The following FOXO3 variants were observed in gnomAD, a reference collection of about 807,000 sequenced individuals.
FOXO3 encodes the protein forkhead box O3, also known as forkhead box protein O3.
A neutral mutation model predicts 41.9 loss-of-function variants in FOXO3; 4 were observed. The ratio of observed to expected loss-of-function variants is 0.10; its 90% CI spans 0.05 to 0.22. FOXO3 has a LOEUF of 0.22. FOXO3 is among the 10% of genes least tolerant of loss of function. The pLI is 1.00. For synonymous variants in FOXO3, 318 were observed against 389.3 expected (o/e 0.82, Z 2.16); for missense variants, 534 against 906.8 (o/e 0.59, Z 5.28).
chr6:108,621,480 C>T (rs1181554077), intron 1 of FOXO3, among the ~76,000 whole-genome samples: 1 of 152,172 alleles, frequency 6.6e-6, no homozygotes, highest in Admixed American at 6.5e-5. Context: ...GTGTGTAGTG[C>T]ATGATGTACC....
intron 1 of FOXO3, among the ~76,000 whole-genome samples, chr6:108,648,798 C>T (rs1202230768): frequency 6.6e-6 from 1 of 151,548 alleles, no homozygotes; most frequent in Non-Finnish European, 1.5e-5. Flanking sequence ...AGTTTGAGAC[C>T]AGCCTGGAAA....
chr6:108,613,255 T>C (rs750050523), intron 1 of FOXO3, among the ~76,000 whole-genome samples: 17 of 152,226 alleles, frequency 1.1e-4, no homozygotes, highest in Non-Finnish European at 1.6e-4. Flanking sequence ...GGTGGTCTTA[T>C]AACATGAGTT....
intron 1 of FOXO3, among the ~76,000 whole-genome samples, chr6:108,628,550 C>T (rs946998288): frequency 2.6e-5 from 4 of 152,024 alleles, no homozygotes; most frequent in Non-Finnish European, 4.4e-5. Flanking sequence ...AAGTGTCACT[C>T]GGGTATTTGG....
At chr6:108,675,419 C>A (rs942712882) in intron 2 of FOXO3, among the ~76,000 whole-genome samples, 1 of 152,220 alleles carries the variant, frequency 6.6e-6, no homozygotes, top group Non-Finnish European at 1.5e-5. Context: ...GACTGGTTCA[C>A]CTGCTGCCTT....
chr6:108,579,678 G>C (rs112926169), intron 1 of FOXO3, among the ~76,000 whole-genome samples: 4,053 of 152,116 alleles, frequency 0.027, 149 homozygotes, highest in African/African-American at 0.08. Flanking sequence ...TGTTCTGGGG[G>C]CAAGGAGAGA....
chr6:108,595,577 AGT>A (rs773088817), intron 1 of FOXO3, among the ~76,000 whole-genome samples: 78 of 152,278 alleles, frequency 5.1e-4, no homozygotes, highest in Non-Finnish European at 1.0e-3. Flanking sequence ...CTCTCATAGA[AGT>A]GTATGTTTCT....
At chr6:108,665,420 TC>T (rs1779020528) in intron 2 of FOXO3, among the ~76,000 whole-genome samples, 1 of 152,242 alleles carries the variant, frequency 6.6e-6, no homozygotes, top group Non-Finnish European at 1.5e-5. Flanking sequence ...GAATATGTAT[TC>T]TAGACTCTTT....
intron 1 of FOXO3, among the ~76,000 whole-genome samples, chr6:108,621,078 A>G (rs1308558526): frequency 1.3e-5 from 2 of 152,238 alleles, no homozygotes; most frequent in East Asian, 1.9e-4. Flanking sequence ...TGGAAAATCT[A>G]TGTTCCTGTG....
rs759545183 is a variant in FOXO3 at position 108,664,906 on chromosome 6, A to G, written c.*34+17A>G. ...GCAAAGCAGGTCAGTGCCGAATGCT[A>G]TGGCATAAAAATAACAATATGGGGA... On this transcript the variant is annotated intron_variant, in intron 2 of 2. Coordinates refer to ENST00000406360, the MANE Select transcript of FOXO3 (RefSeq NM_001455.4). 6.3e-6 allele frequency: 10 copies of G among 1,579,400 alleles called. No homozygotes were observed. The highest frequency in any genetic ancestry group is 5.9e-5 in the South Asian group (5 of 84,842).
At chr6:108,615,089 A>G (rs1402957099) in intron 1 of FOXO3, among the ~76,000 whole-genome samples, 2 of 152,102 alleles carry the variant, frequency 1.3e-5, no homozygotes, top group Non-Finnish European at 2.9e-5. Flanking sequence ...CATGTATGTT[A>G]TAAGCCCCAG....
In FOXO3 at chr6:108,573,753, C is replaced by T. The variant is rs191705322; in HGVS notation, c.621+11924C>T. On this transcript the variant is annotated intron_variant, in intron 1 of 2. Transcript: ENST00000406360. ...CTGAAGCAGGAGAATTGCTTGAACC[C>T]GGGAGGTGGAGGTTGCAGTGAGCCA... is the stretch of plus-strand genomic sequence containing the variant. Among the ~76,000 whole-genome samples the T allele has an allele frequency of 6.7e-3, 1,011 of 151,358 alleles. 15 individuals are homozygous for T. The highest frequency in any genetic ancestry group is 0.024 in the African/African-American group (973 of 41,246).
At chr6:108,586,090 A>G (rs895127380) in intron 1 of FOXO3, among the ~76,000 whole-genome samples, 4 of 152,206 alleles carry the variant, frequency 2.6e-5, no homozygotes, top group African/African-American at 4.8e-5. Flanking sequence ...ACTTTTCCCC[A>G]AAGATGTTAA....
chr6:108,565,785 T>A (rs953342992), intron 1 of FOXO3, among the ~76,000 whole-genome samples: 4 of 152,278 alleles, frequency 2.6e-5, no homozygotes, highest in African/African-American at 9.6e-5. Flanking sequence ...TCACTGTTTC[T>A]GTTCTTTAGA....
At chr6:108,643,267 C>T (rs1778306731) in intron 1 of FOXO3, among the ~76,000 whole-genome samples, 1 of 152,016 alleles carries the variant, frequency 6.6e-6, no homozygotes, top group East Asian at 1.9e-4. Context: ...AGTTCTTTGC[C>T]CATGCCCAGT....
intron 1 of FOXO3, among the ~76,000 whole-genome samples, chr6:108,608,296 C>T (rs931900997): frequency 6.6e-6 from 1 of 152,300 alleles, no homozygotes; most frequent in South Asian, 2.1e-4. Flanking sequence ...AATTAAGTGA[C>T]GCTCTCACTT....
rs546889795 is a variant in FOXO3, at chr6:108,590,379, C to T, written c.621+28550C>T. Among the ~76,000 whole-genome samples the T allele has an allele frequency of 9.9e-5, 15 of 152,156 alleles. No homozygotes were observed. In the South Asian group the frequency reaches 1.7e-3, roughly 17 times the overall value. ...GCTCCAAAATCTGAAACTTTTTGAG[C>T]GTTGACATGACACTACAAGTGGGAA... On this transcript the variant is annotated intron_variant, in intron 1 of 2. Coordinates refer to ENST00000406360, the MANE Select transcript of FOXO3 (RefSeq NM_001455.4).
intron 1 of FOXO3, among the ~76,000 whole-genome samples, chr6:108,617,435 A>G (rs1171327568): frequency 6.6e-6 from 1 of 151,912 alleles, no homozygotes; most frequent in Non-Finnish European, 1.5e-5. Context: ...AAACAGTAAG[A>G]CGCTTGACTT....
intron 1 of FOXO3, among the ~76,000 whole-genome samples, chr6:108,661,926 C>T (rs781255581): frequency 2.6e-5 from 4 of 152,144 alleles, no homozygotes; most frequent in Non-Finnish European, 5.9e-5. Context: ...TTCCCATACA[C>T]CCAATATCAA....
chr6:108,609,609 C>T (rs1384146035), intron 1 of FOXO3, among the ~76,000 whole-genome samples: 1 of 152,154 alleles, frequency 6.6e-6, no homozygotes, highest in Non-Finnish European at 1.5e-5. Context: ...ATCAGATAGG[C>T]CTGTGAGTTT....
Sources: allele counts gnomAD v4.1 joint callset (sites outside exome capture counted in the v4.1 genomes callset), GRCh38; gene constraint gnomAD v4.1.1; transcripts MANE v1.5; gene names NCBI Gene and HGNC (gene_info 2026-07-23, HGNC 2026-07-21).